Variants in ZNF536 observed in about 807,000 individuals in gnomAD.
ZNF536 encodes zinc finger protein 536.
A neutral mutation model predicts 84.5 loss-of-function variants in ZNF536; 13 were observed. The ratio of observed to expected loss-of-function variants is 0.15; its 90% confidence interval spans 0.10 to 0.24. ZNF536 has a LOEUF of 0.24. Ranked by LOEUF, ZNF536 falls within the 10% of genes least tolerant of loss-of-function variation. The probability of loss-of-function intolerance (pLI) is 1.00; values close to 1 mark genes in which losing one functional copy is unlikely to be tolerated. For missense variants in ZNF536, 1,536 were observed against 1,747.5 expected (o/e 0.88, Z 2.16); for synonymous variants, 811 against 742.5 (o/e 1.09, Z -1.50).
chr19:30,628,995 G>A (rs1377094397), intron 1 of ZNF536, among the ~76,000 whole-genome samples: 1 of 152,090 alleles, frequency 6.6e-6, no homozygotes, highest in Non-Finnish European at 1.5e-5. Context: ...GGGCCACTGC[G>A]CCTGGCCCAG....
At chr19:30,325,408 C>T (rs1448859569) in intron 2 of ZNF536, among the ~76,000 whole-genome samples, 1 of 152,236 alleles carries the variant, frequency 6.6e-6, no homozygotes, top group East Asian at 1.9e-4. Context: ...CATCAAGCTG[C>T]TCCCTTTTGG....
chr19:30,376,452 A>G (rs752502672), intron 1 of ZNF536, among the ~76,000 whole-genome samples: 23 of 152,206 alleles, frequency 1.5e-4, no homozygotes, highest in Admixed American at 5.2e-4. Flanking sequence ...GAGGCTGGGA[A>G]CAGCCACCAG....
chr19:30,693,187 A>G (rs1335853627), intron 1 of ZNF536, among the ~76,000 whole-genome samples: 2 of 152,188 alleles, frequency 1.3e-5, no homozygotes, highest in Non-Finnish European at 2.9e-5. Flanking sequence ...CTCATCTCGC[A>G]TGGGACAAAG....
chr19:30,534,854 C>T lies in ZNF536; in HGVS notation c.2178C>T (p.Gly726=), dbSNP rs372631694. ...HPSSPSSSDI[G]EEAGRSAGVQ... ...GTTTCTCCTTCGCTGCAGACATTGG[C>T]GAGGAGGCTGGGAGATCTGCCGGCG... The change falls in exon 3 of 5, where the codon GGC becomes GGT. Residue 726 remains glycine, a synonymous_variant. Transcript: ENST00000355537. 7 of 1,611,452 alleles carry T rather than the reference C, an allele frequency of 4.3e-6. No homozygotes were observed. Among genetic ancestry groups the T allele is most frequent in the South Asian group, 3.3e-5 (3 of 90,502 alleles).
intron 2 of ZNF536, among the ~76,000 whole-genome samples, chr19:30,310,530 A>C (rs2046466400): frequency 6.6e-6 from 1 of 152,216 alleles, no homozygotes; most frequent in African/African-American, 2.4e-5. Context: ...CAGTGCCTTC[A>C]ATTTCTTAAT....
Position 30,548,305 on chromosome 19 carries a change from C to T in ZNF536, c.2686C>T (p.His896Tyr), listed in dbSNP as rs2146194967. ...CACTGACCTTCCTTCCAAAAGCACC[C>T]ACTTCTCTGAGATCGGAAGAGCTTA... ...KGTDLPSKSTHFSEIGRAYQS... is the reference protein window; with the variant it reads ...KGTDLPSKSTYFSEIGRAYQS... Residue 896 changes from histidine to tyrosine, a missense_variant, in exon 4 of 5, where the codon CAC becomes TAC. Coordinates refer to ENST00000355537, the MANE Select transcript of ZNF536 (RefSeq NM_014717.3). 6.2e-7 allele frequency: 1 copy of T among 1,614,254 alleles called. No homozygotes were observed. The highest frequency in any genetic ancestry group is 8.5e-7 in the Non-Finnish European group (1 of 1,180,056).
At chr19:30,400,880 A>G (rs1212376025) in intron 1 of ZNF536, among the ~76,000 whole-genome samples, 2 of 152,182 alleles carry the variant, frequency 1.3e-5, no homozygotes, top group East Asian at 3.8e-4. Context: ...CCAATTTATT[A>G]ATTTTTCCTT....
At chr19:30,231,939 CAT>C (rs973064855) in intron 1 of ZNF536, among the ~76,000 whole-genome samples, 5 of 152,004 alleles carry the variant, frequency 3.3e-5, no homozygotes, top group Admixed American at 6.6e-5. Flanking sequence ...TTGTAATGTA[CAT>C]GTGTGTTGGA....
chr19:30,467,369 ATTGTCC>A (rs1048741335), intron 2 of ZNF536, among the ~76,000 whole-genome samples: 3 of 152,122 alleles, frequency 2.0e-5, no homozygotes, highest in African/African-American at 7.2e-5. Context: ...TCACACAGTA[ATTGTCC>A]TTCCATGTCT....
chr19:30,552,964 A>C (rs2146307851), intron 4 of ZNF536, among the ~76,000 whole-genome samples: 1 of 152,320 alleles, frequency 6.6e-6, no homozygotes, highest in South Asian at 2.1e-4. Context: ...GTCAGATCCC[A>C]CTAGGGGTCT....
At chr19:30,466,257 T>C (rs2053385749) in intron 2 of ZNF536, among the ~76,000 whole-genome samples, 1 of 151,722 alleles carries the variant, frequency 6.6e-6, no homozygotes, top group South Asian at 2.1e-4. Context: ...ATTTACCATT[T>C]TAGGCTGGAC....
chr19:30,693,330 T>G (rs1430004739), intron 1 of ZNF536, among the ~76,000 whole-genome samples: 1 of 138,152 alleles, frequency 7.2e-6, no homozygotes, highest in African/African-American at 2.5e-5. Flanking sequence ...GCTGTGAGGT[T>G]TTTTTCCCCC....
chr19:30,380,065 C>T (rs773021918), intron 1 of ZNF536, among the ~76,000 whole-genome samples: 6 of 152,348 alleles, frequency 3.9e-5, no homozygotes, highest in African/African-American at 9.6e-5. Flanking sequence ...GGCCACTCTT[C>T]GTGTTTCCTG....
chr19:30,659,557 C>A (rs944465005), intron 1 of ZNF536, among the ~76,000 whole-genome samples: 5 of 152,182 alleles, frequency 3.3e-5, no homozygotes, highest in African/African-American at 1.2e-4. Context: ...CACAGTTCCA[C>A]ATGGCTGGGG....
In ZNF536 at chr19:30,432,325, C is replaced by T. The variant is rs549753932; in HGVS notation, c.-2-11236C>T. Among the ~76,000 whole-genome samples, 4 of 152,202 alleles carry T rather than the reference C, an allele frequency of 2.6e-5. No individual in the cohort carries two copies. The South Asian group carries it at 8.3e-4, about 32-fold the overall frequency. ...TTAGAGGACCAGGGGGCTTGGAGGACTTTCCATAGGGTGGGATTCTCTATG... is the reference window on the plus strand; with the variant it reads ...TTAGAGGACCAGGGGGCTTGGAGGATTTTCCATAGGGTGGGATTCTCTATG... On this transcript the variant is annotated intron_variant, in intron 1 of 4. Transcript: ENST00000355537.
At chr19:30,345,262 C>T (rs1236557369) in intron 2 of ZNF536, among the ~76,000 whole-genome samples, 3 of 152,202 alleles carry the variant, frequency 2.0e-5, no homozygotes, top group Non-Finnish European at 4.4e-5. Flanking sequence ...CATGAGTGCA[C>T]TCAGCTCCTT....
chr19:30,617,224 C>T (rs1000703804), intron 1 of ZNF536, among the ~76,000 whole-genome samples: 13 of 150,190 alleles, frequency 8.7e-5, no homozygotes, highest in Non-Finnish European at 1.9e-4. Context: ...TTTTGGTGCA[C>T]CCATGTCCCA....
At chr19:30,542,883 C>T (rs993434305) in intron 3 of ZNF536, among the ~76,000 whole-genome samples, 1 of 152,196 alleles carries the variant, frequency 6.6e-6, no homozygotes, top group African/African-American at 2.4e-5. Context: ...GCAATCATAG[C>T]TCATTGCAGC....
chr19:30,472,060 G>C (rs778611064), intron 2 of ZNF536, among the ~76,000 whole-genome samples: 1 of 152,204 alleles, frequency 6.6e-6, no homozygotes, highest in Non-Finnish European at 1.5e-5. Context: ...GGAGGGCATC[G>C]CGCTACCTGG....
Sources: gnomAD v4.1 joint callset for allele counts (sites outside exome capture counted in the v4.1 genomes callset) on GRCh38, gnomAD v4.1.1 for gene constraint, MANE v1.5 for transcripts, NCBI Gene and HGNC (gene_info 2026-07-23, HGNC 2026-07-21) for gene names.